The following RBPJ variants were observed in gnomAD, a reference collection of about 807,000 sequenced individuals.
RBPJ encodes recombining binding protein suppressor of hairless.
In RBPJ, 9 loss-of-function variants were observed where a neutral mutation model predicts 67.8. The observed-to-expected ratio is 0.13, with a 90% CI of 0.08 to 0.23. RBPJ has a LOEUF of 0.23. Among genes scored for constraint, RBPJ ranks in the 10% least tolerant of loss-of-function variants. The pLI is 1.00. For missense variants in RBPJ, 305 were observed against 595.6 expected (o/e 0.51, Z 5.08); for synonymous variants, 198 against 203.3 (o/e 0.97, Z 0.22).
At chr4:26,397,071 A>G (rs1398038239) in intron 2 of RBPJ, among the ~76,000 whole-genome samples, 1 of 152,236 alleles carries the variant, frequency 6.6e-6, no homozygotes, top group Non-Finnish European at 1.5e-5. Context: ...AGCTTGGAAA[A>G]TGAAACCTAC....
chr4:26,377,584 A>G (rs1049075424), intron 1 of RBPJ, among the ~76,000 whole-genome samples: 5 of 152,240 alleles, frequency 3.3e-5, no homozygotes, highest in Non-Finnish European at 5.9e-5. Flanking sequence ...AACTGAATAA[A>G]CACTTGGAAC....
At chr4:26,274,598 C>T (rs188684588) in intron 1 of RBPJ, among the ~76,000 whole-genome samples, 151 of 152,186 alleles carry the variant, frequency 9.9e-4, no homozygotes, top group African/African-American at 3.5e-3. Context: ...CCACCGCATT[C>T]CAGCCTGGGT....
chr4:26,317,055 A>T (rs1722675550), upstream of RBPJ, among the ~76,000 whole-genome samples: 1 of 151,624 alleles, frequency 6.6e-6, no homozygotes, highest in Non-Finnish European at 1.5e-5. Flanking sequence ...CCAGCAGCTA[A>T]GGCTTGAATA....
intron 1 of RBPJ, among the ~76,000 whole-genome samples, chr4:26,191,362 C>A (rs890795894): frequency 3.3e-5 from 5 of 150,476 alleles, no homozygotes; most frequent in Non-Finnish European, 5.9e-5. Flanking sequence ...AGAGAGAGAA[C>A]AACTGCAGCT....
At chr4:26,190,968 A>T (rs1158297814) in intron 1 of RBPJ, among the ~76,000 whole-genome samples, 1 of 151,284 alleles carries the variant, frequency 6.6e-6, no homozygotes, top group Non-Finnish European at 1.5e-5. Flanking sequence ...CAACATACCG[A>T]GACCTCGTCT....
At chr4:26,229,452 G>A (rs1270308303) in intron 1 of RBPJ, among the ~76,000 whole-genome samples, 2 of 152,154 alleles carry the variant, frequency 1.3e-5, no homozygotes, top group Non-Finnish European at 2.9e-5. Flanking sequence ...CCTCTGGTCT[G>A]TGCTGCTCTG....
At chr4:26,316,516 T>TAC (rs1284441095), upstream of RBPJ, among the ~76,000 whole-genome samples, 3 of 126,072 alleles carry the variant, frequency 2.4e-5, no homozygotes, top group Non-Finnish European at 4.9e-5. Flanking sequence ...TATTCATATA[T>TAC]ATTCATATAT....
intron 1 of RBPJ, among the ~76,000 whole-genome samples, chr4:26,218,620 G>A (rs1718798942): frequency 6.6e-6 from 1 of 152,180 alleles, no homozygotes; most frequent in East Asian, 1.9e-4. Flanking sequence ...TGCTGTCTGT[G>A]CCAGGCGTGC....
At chr4:26,168,729 T>C (rs1258428435) in intron 1 of RBPJ, among the ~76,000 whole-genome samples, 2 of 152,258 alleles carry the variant, frequency 1.3e-5, no homozygotes, top group African/African-American at 4.8e-5. Flanking sequence ...AGATTTGGTC[T>C]TTTCACATAG....
chr4:26,417,971 G>A (rs1734756290), intron 4 of RBPJ, among the ~76,000 whole-genome samples: 1 of 152,166 alleles, frequency 6.6e-6, no homozygotes, highest in Admixed American at 6.5e-5. Flanking sequence ...TAGATTTTGT[G>A]TAATGTTTTT....
intron 1 of RBPJ, among the ~76,000 whole-genome samples, chr4:26,232,209 G>A (rs1395744120): frequency 1.3e-5 from 2 of 152,040 alleles, no homozygotes; most frequent in Admixed American, 6.6e-5. Flanking sequence ...TGCTTTATTT[G>A]TAAATGAAGA....
intron 4 of RBPJ, among the ~76,000 whole-genome samples, chr4:26,418,349 CT>C (rs1734794133): frequency 6.6e-6 from 1 of 152,020 alleles, no homozygotes; most frequent in Non-Finnish European, 1.5e-5. Flanking sequence ...TGACTTTTTC[CT>C]TCTTTTCTTA....
intron 1 of RBPJ, among the ~76,000 whole-genome samples, chr4:26,347,098 T>C (rs1726238140): frequency 6.6e-6 from 1 of 152,164 alleles, no homozygotes; most frequent in South Asian, 2.1e-4. Context: ...TGAAATGAGA[T>C]GGCCTTGAGG....
At chr4:26,135,216 A>T in the RBPJ span, among the ~76,000 whole-genome samples, 1 of 152,124 alleles carries the variant, frequency 6.6e-6, no homozygotes, top group African/African-American at 2.4e-5. Flanking sequence ...ATTACTAAAG[A>T]AAACTGCACC....
At chr4:26,137,214 C>A in the RBPJ span, among the ~76,000 whole-genome samples, 1 of 152,284 alleles carries the variant, frequency 6.6e-6, no homozygotes, top group Non-Finnish European at 1.5e-5. Flanking sequence ...GTCTCTCCTT[C>A]ACAAGCCTCT....
the RBPJ span, chr4:26,113,323 C>A: frequency 1.2e-5 from 6 of 505,532 alleles, no homozygotes; most frequent in Admixed American, 2.2e-5. Flanking sequence ...AATAAACCTA[C>A]GAATGTGGTG....
chr4:26,179,681 G>A (rs1199848704), intron 1 of RBPJ, among the ~76,000 whole-genome samples: 1 of 152,148 alleles, frequency 6.6e-6, no homozygotes, highest in Non-Finnish European at 1.5e-5. Flanking sequence ...TGCTGGCAAC[G>A]TTGTGGAGGA....
chr4:26,224,974 C>T (rs1577491714), intron 1 of RBPJ, among the ~76,000 whole-genome samples: 3 of 152,240 alleles, frequency 2.0e-5, no homozygotes, highest in South Asian at 4.1e-4. Flanking sequence ...GAAGGAAAGA[C>T]GTGGTATACA....
intron 7 of RBPJ, among the ~76,000 whole-genome samples, chr4:26,426,115 C>T (rs767386723): frequency 1.4e-4 from 21 of 152,078 alleles, no homozygotes; most frequent in Non-Finnish European, 2.8e-4. Flanking sequence ...GAATGAAGGG[C>T]ATGAAAAACA....
Sources: allele counts gnomAD v4.1 joint callset (sites outside exome capture counted in the v4.1 genomes callset), GRCh38; gene constraint gnomAD v4.1.1; transcripts MANE v1.5; gene names NCBI Gene and HGNC (gene_info 2026-07-23, HGNC 2026-07-21).